The following TMEM179 variants were observed in gnomAD, a reference collection of about 807,000 sequenced individuals.
The protein encoded by TMEM179 is transmembrane protein 179A.
A neutral mutation model predicts 22.2 loss-of-function variants in TMEM179; 17 were observed. The observed-to-expected ratio is 0.77, with a 90% CI of 0.52 to 1.15. TMEM179 has a LOEUF of 1.15. TMEM179 is among the 50% of genes most tolerant of loss of function. TMEM179 has a pLI of 0.00. For missense variants in TMEM179, 265 were observed against 313.6 expected, an observed-to-expected ratio of 0.84 and a Z score of 1.17; for synonymous variants, 127 against 140.5, an observed-to-expected ratio of 0.90 and a Z score of 0.68.
intron 1 of TMEM179, among the ~76,000 whole-genome samples, chr14:104,600,129 G>A (rs762196877): frequency 1.3e-5 from 2 of 152,144 alleles, no homozygotes; most frequent in African/African-American, 2.4e-5. Flanking sequence ...CTTTCTGGTC[G>A]GTTTCCAGGG....
Position 104,604,746 on chromosome 14 carries a change from G to A in TMEM179, c.-5C>T, listed in dbSNP as rs762821837. The A allele has an allele frequency of 5.2e-6, 8 of 1,537,358 alleles. No individual in the cohort carries two copies. The highest frequency in any genetic ancestry group is 6.1e-6 in the Non-Finnish European group (7 of 1,146,576). On this transcript the variant is annotated 5_prime_UTR_variant, in exon 1 of 4. Transcript: ENST00000556573. The surrounding 1 kb of genome is among the most constrained non-coding windows in gnomAD (Gnocchi z 4.6). Reference sequence around the variant, plus strand: ...AAGGAAATTGTTGAGCGCCATGGCCGGCCCGGGCGAGAGCGGCGGCGGGAA... The same window carrying A: ...AAGGAAATTGTTGAGCGCCATGGCCAGCCCGGGCGAGAGCGGCGGCGGGAA...
At chr14:104,603,534 G>C (rs925922012) in intron 1 of TMEM179, among the ~76,000 whole-genome samples, 1 of 147,412 alleles carries the variant, frequency 6.8e-6, no homozygotes, top group Admixed American at 6.7e-5. Flanking sequence ...CACAGAGGGA[G>C]TGGGTGGGCT....
chr14:104,594,089 A>G, intron 3 of TMEM179: 1 of 1,233,530 alleles, frequency 8.1e-7, no homozygotes, highest in African/African-American at 1.5e-5. Flanking sequence ...GTTTCCAAAC[A>G]GTTGAAGGAG....
rs1566740077 is a variant in TMEM179 at position 104,591,099 on chromosome 14, G to A, written c.*2380C>T. On this transcript the variant is annotated 3_prime_UTR_variant, in exon 4 of 4. Coordinates refer to ENST00000556573, the MANE Select transcript of TMEM179 (RefSeq NM_001286389.2). ...GCCAGCCCCTGCCCAGCACACTGCAGGCCCAGCTGCCCCTTCCCAGGGCGA... is the reference window on the plus strand; with the variant it reads ...GCCAGCCCCTGCCCAGCACACTGCAAGCCCAGCTGCCCCTTCCCAGGGCGA... 3.2e-6 allele frequency: 1 copy of A among 317,246 alleles called. No homozygotes were observed. Among genetic ancestry groups the A allele is most frequent in the Non-Finnish European group, 6.2e-6 (1 of 162,374 alleles). The allele number at this position is 317,246 out of a possible 1,614,324, so 19.7% of individuals were successfully genotyped here. A position where few individuals can be genotyped will look rare whatever the true frequency, so the allele number is the denominator to read the frequency against.
intron 1 of TMEM179, among the ~76,000 whole-genome samples, chr14:104,601,709 G>C (rs778783617): frequency 6.6e-6 from 1 of 152,168 alleles, no homozygotes; most frequent in Non-Finnish European, 1.5e-5. Flanking sequence ...CAGGCTGGGC[G>C]GAGGTCAGTG....
chr14:104,594,999 C>A (rs1490496543), intron 3 of TMEM179, 166 bp downstream of exon 3: 1 of 1,489,340 alleles, frequency 6.7e-7, no homozygotes, highest in Admixed American at 2.3e-5. Context: ...CCACCTCCTG[C>A]AGGAAGCCTT....
intron 3 of TMEM179, chr14:104,594,490 T>TG (rs1886951642): frequency 8.1e-7 from 1 of 1,231,680 alleles, no homozygotes; most frequent in African/African-American, 1.6e-5. Context: ...CATCTCCGTC[T>TG]GGGGCACATC....
In TMEM179 at chr14:104,595,010, C is replaced by G. The variant is rs1035961411; in HGVS notation, c.522+155G>C. 5.3e-6 allele frequency: 8 copies of G among 1,500,792 alleles called. No individual in the cohort carries two copies. Among genetic ancestry groups the G allele is most frequent in the Non-Finnish European group, 7.1e-6 (8 of 1,123,256 alleles). The allele number at this position is 1,500,792 out of a possible 1,614,324, so 93.0% of individuals were successfully genotyped here. On this transcript the variant is annotated intron_variant, in intron 3 of 3. Coordinates refer to ENST00000556573, the MANE Select transcript of TMEM179 (RefSeq NM_001286389.2). The surrounding 1 kb of genome is among the most constrained non-coding windows in gnomAD (Gnocchi z 5.7). ...TCCCCCACCTCCTGCAGGAAGCCTT[C>G]CCGACTGCTCCCACTGCCTGGTCCC... is the stretch of plus-strand genomic sequence containing the variant.
Position 104,593,126 on chromosome 14 carries a change from G to A in TMEM179, c.*353C>T, listed in dbSNP as rs776106863. The A allele has an allele frequency of 1.4e-4, 46 of 333,242 alleles. No homozygotes were observed. The highest frequency in any genetic ancestry group is 6.6e-4 in the East Asian group (11 of 16,750). The allele number at this position is 333,242 out of a possible 1,614,324, so 20.6% of individuals were successfully genotyped here. A position where few individuals can be genotyped will look rare whatever the true frequency, so the allele number is the denominator to read the frequency against. On this transcript the variant is annotated 3_prime_UTR_variant, in exon 4 of 4. Transcript: ENST00000556573. ...GCCAGCTGGCATGGAGACAGCATCC[G>A]GCCAGGGTTGGGGGAGACAAGCTGG...
intron 2 of TMEM179, among the ~76,000 whole-genome samples, chr14:104,596,312 G>A (rs1291628757): frequency 2.0e-5 from 3 of 152,180 alleles, no homozygotes; most frequent in Non-Finnish European, 2.9e-5. Flanking sequence ...TCAGGGCGGG[G>A]CATCCCACTG....
intron 1 of TMEM179, among the ~76,000 whole-genome samples, chr14:104,602,576 A>G (rs757016115): frequency 6.6e-6 from 1 of 152,200 alleles, no homozygotes; most frequent in Non-Finnish European, 1.5e-5. Flanking sequence ...CCCTGCATGC[A>G]CAGCATGGAC....
rs747396972 is a variant in TMEM179, at chr14:104,604,702, A to G, written c.40T>C (p.Tyr14His). ...AAGCTGAACAGGAAGGCCAAGAAGT[A>G]GCAGGCGCACTGAGCGAAAAGGAAA... ...NNFLFAQCAC[Y>H]FLAFLFSFVV... The change falls in exon 1 of 4, where the codon TAC becomes CAC. Residue 14 changes from tyrosine to histidine, a missense_variant. Transcript: ENST00000556573. The surrounding 1 kb of genome is among the most constrained non-coding windows in gnomAD (Gnocchi z 4.6). The G allele has an allele frequency of 1.3e-6, 2 of 1,593,490 alleles. No homozygotes were observed. The highest frequency in any genetic ancestry group is 3.4e-5 in the Admixed American group (2 of 58,644).
At chr14:104,598,041 C>T (rs1201498493) in intron 1 of TMEM179, among the ~76,000 whole-genome samples, 4 of 152,216 alleles carry the variant, frequency 2.6e-5, no homozygotes, top group African/African-American at 9.6e-5. Context: ...TCAGAGGATG[C>T]TCGTGTTTCC....
intron 3 of TMEM179, 66 bp from the exon 4 acceptor site, chr14:104,593,724 A>C: frequency 1.4e-6 from 2 of 1,417,630 alleles, no homozygotes; most frequent in Non-Finnish European, 9.2e-7. Context: ...ACCCCCTCCC[A>C]CCAGCCCCCA....
At position 104,597,375 on chromosome 14, in the gene TMEM179, C is replaced by T. The variant is rs146793021; in HGVS notation, c.306-248G>A. On this transcript the variant is annotated intron_variant, in intron 1 of 3. Coordinates refer to ENST00000556573, the MANE Select transcript of TMEM179 (RefSeq NM_001286389.2). The surrounding 1 kb of genome is among the most constrained non-coding windows in gnomAD (Gnocchi z 4.8). Reference sequence around the variant, plus strand: ...TGCCCACCCTGGGCTGCAGGTCACACCTTCCCAAAGACCCAGGACCTGGAA... The same window carrying T: ...TGCCCACCCTGGGCTGCAGGTCACATCTTCCCAAAGACCCAGGACCTGGAA... 2.6e-5 allele frequency among the ~76,000 whole-genome samples: 4 copies of T among 152,162 alleles called. No individual in the cohort carries two copies. The highest frequency in any genetic ancestry group is 5.9e-5 in the Non-Finnish European group (4 of 68,018).
chr14:104,604,406 G>A lies in TMEM179; in HGVS notation c.305+31C>T. 1 of 1,474,740 alleles carries A rather than the reference G, an allele frequency of 6.8e-7. No individual in the cohort carries two copies. Among genetic ancestry groups the A allele is most frequent in the African/African-American group, 1.5e-5 (1 of 68,466 alleles). 91.4% of individuals were successfully genotyped at this position (1,474,740 alleles called of 1,614,324 possible). A position where few individuals can be genotyped will look rare whatever the true frequency, so the allele number is the denominator to read the frequency against. ...TCTGGGGGCGCTGGGGGCATGGAAG[G>A]GGCGCCGCGCCGGGAGCGGCCCCCA... On this transcript the variant is annotated intron_variant, in intron 1 of 3. Transcript: ENST00000556573. The surrounding 1 kb of genome is among the most constrained non-coding windows in gnomAD (Gnocchi z 4.6).
chr14:104,594,018 G>C (rs1886930332), intron 3 of TMEM179: 2 of 1,220,404 alleles, frequency 1.6e-6, no homozygotes, highest in East Asian at 6.4e-5. Context: ...TCGGCTCTAA[G>C]GAGGGCGGGT....
At chr14:104,599,623 G>A (rs1203897092) in intron 1 of TMEM179, among the ~76,000 whole-genome samples, 3 of 152,300 alleles carry the variant, frequency 2.0e-5, no homozygotes, top group South Asian at 2.1e-4. Flanking sequence ...AGAGCGGAAC[G>A]CAGTAAGCCC....
In TMEM179 at chr14:104,595,384, A is replaced by T; in HGVS notation, c.444-141T>A. On this transcript the variant is annotated intron_variant, in intron 2 of 3. Coordinates refer to ENST00000556573, the MANE Select transcript of TMEM179 (RefSeq NM_001286389.2). This position sits in a 1 kb window ranked among gnomAD's most constrained non-coding sequence, Gnocchi z 5.7. The stretch of plus-strand genomic sequence containing the variant: ...TGGGCAGCAGGGAGTCTCTGGGGAC[A>T]TCACGGAGGGTTAGCCTCGATGCCT... 1 of 780,136 alleles carries T rather than the reference A, an allele frequency of 1.3e-6. No homozygotes were observed. Among genetic ancestry groups the T allele is most frequent in the Non-Finnish European group, 2.0e-6 (1 of 492,212 alleles). 48.3% of individuals were successfully genotyped at this position (780,136 alleles called of 1,614,324 possible).
Sources: gnomAD v4.1 joint callset for allele counts (sites outside exome capture counted in the v4.1 genomes callset) on GRCh38, gnomAD v4.1.1 for gene constraint, Gnocchi (gnomAD v3.1) non-coding constraint, MANE v1.5 for transcripts, NCBI Gene and HGNC (gene_info 2026-07-23, HGNC 2026-07-21) for gene names.